CKMT1B: variants seen among roughly 807,000 people sequenced by gnomAD.
The protein encoded by CKMT1B is creatine kinase, mitochondrial 1B.
In CKMT1B, 13 loss-of-function variants were observed where a neutral mutation model predicts 21.8. The ratio of observed to expected loss-of-function variants is 0.60; its 90% confidence interval spans 0.39 to 0.95. The LOEUF is 0.95. Ranked by LOEUF, CKMT1B falls within the 40% of genes least tolerant of loss-of-function variation. The pLI, the probability that CKMT1B is intolerant of heterozygous loss-of-function variation, is 0.00. For missense variants in CKMT1B, 157 were observed against 227.5 expected (o/e 0.69, Z 1.99); for synonymous variants, 50 against 80.3 (o/e 0.62, Z 2.02).
Position 43,595,952 on chromosome 15 carries a change from C to T in CKMT1B, c.541C>T (p.Arg181Ter), listed in dbSNP as rs1283366972. The stretch of plus-strand genomic sequence containing the variant: ...ACTCAGTCTGCCTCCAGCTTGCACT[C>T]GAGCAGAGCGACGAGAGGTGGAACG... ...RGLSLPPACT[R>*]AERREVERVV... Residue 181 changes from arginine (R) to a stop codon, truncating the protein, a stop_gained, in exon 4 of 9, where the codon CGA (arginine) becomes TGA (stop). Transcript: ENST00000441322. LOFTEE classifies it high-confidence loss of function. The T allele has an allele frequency of 3.7e-5, 5 of 135,504 alleles. No homozygotes were observed. Among genetic ancestry groups the T allele is most frequent in the Admixed American group, 3.3e-4 (2 of 5,994 alleles). The allele number at this position is 135,504 out of a possible 1,614,324, so 8.4% of individuals were successfully genotyped here. A position where few individuals can be genotyped will look rare whatever the true frequency, so the allele number is the denominator to read the frequency against.
At position 43,598,908 on chromosome 15, in the gene CKMT1B, G is replaced by A. The variant is rs138729105; in HGVS notation, c.1093G>A (p.Gly365Ser). Residue 365 changes from glycine (G) to serine (S), a missense_variant, in exon 8 of 9, where the codon GGT becomes AGT. By Grantham distance (56) the Gly-to-Ser change is moderately conservative. Transcript: ENST00000441322. ...TGGVDTAATG[G>S]VFDISNLDRL... ...AGGAGTGGACACTGCTGCTACAGGCGGTGTCTTTGATATTTCTAATTTGGA... is the reference window on the plus strand; with the variant it reads ...AGGAGTGGACACTGCTGCTACAGGCAGTGTCTTTGATATTTCTAATTTGGA... The A allele has an allele frequency of 3.6e-5, 58 of 1,609,724 alleles. No individual in the cohort carries two copies. Among genetic ancestry groups the A allele is most frequent in the Admixed American group, 6.7e-5 (4 of 59,884 alleles).
chr15:43,599,205 T>G lies in CKMT1B; in HGVS notation c.1186T>G (p.Cys396Gly). 6.2e-7 allele frequency: 1 copy of G among 1,613,670 alleles called. No homozygotes were observed. ...CGATGGAGTAAACTATTTGATTGAT[T>G]GTGAACGGCGTCTGGAGAGAGGCCA... The part of the protein sequence containing the change: ...VIDGVNYLID[C>G]ERRLERGQDI... The change falls in exon 9 of 9, where the codon TGT becomes GGT. Residue 396 changes from cysteine (C) to glycine (G), a missense_variant. Coordinates refer to ENST00000441322, the MANE Select transcript of CKMT1B (RefSeq NM_001375484.1).
chr15:43,598,789 T>C, intron 7 of CKMT1B, 38 bp from the exon 8 acceptor site: 1 of 1,577,026 alleles, frequency 6.3e-7, no homozygotes, highest in Non-Finnish European at 8.6e-7. Flanking sequence ...AGTCTCTGCC[T>C]CTATTGACCC....
chr15:43,598,405 G>T, intron 7 of CKMT1B, 78 bp downstream of exon 7: 1 of 1,596,140 alleles, frequency 6.3e-7, no homozygotes, highest in Non-Finnish European at 8.5e-7. Context: ...GGACCCTTTG[G>T]AAAGGAGCCA....
chr15:43,598,908 G>C lies in CKMT1B; in HGVS notation c.1093G>C (p.Gly365Arg). 1 of 1,609,844 alleles carries C rather than the reference G, an allele frequency of 6.2e-7. No homozygotes were observed. Among genetic ancestry groups the C allele is most frequent in the Non-Finnish European group, 8.5e-7 (1 of 1,179,620 alleles). ...AGGAGTGGACACTGCTGCTACAGGC[G>C]GTGTCTTTGATATTTCTAATTTGGA... ...TGGVDTAATG[G>R]VFDISNLDRL... The change falls in exon 8 of 9, where the codon GGT (glycine) becomes CGT (arginine). Residue 365 changes from glycine to arginine, a missense_variant. Physicochemically the swap from Gly to Arg is moderately radical, Grantham distance 125. Transcript: ENST00000441322.
intron 8 of CKMT1B, 97 bp downstream of exon 8, chr15:43,599,049 T>G: frequency 6.3e-7 from 1 of 1,589,862 alleles, no homozygotes; most frequent in Non-Finnish European, 8.6e-7. Context: ...TAATCTGAAA[T>G]GAAATTCAGG....
At chr15:43,596,590 G>C in intron 6 of CKMT1B, 59 bp downstream of exon 6, 1 of 1,605,394 alleles carries the variant, frequency 6.2e-7, no homozygotes, top group Non-Finnish European at 8.5e-7. Flanking sequence ...CCAAAGAGTA[G>C]CATAAATAGA....
At chr15:43,596,589 A>G in intron 6 of CKMT1B, 58 bp downstream of exon 6, 4 of 1,605,636 alleles carry the variant, frequency 2.5e-6, no homozygotes, top group Non-Finnish European at 3.4e-6. Flanking sequence ...ACCAAAGAGT[A>G]GCATAAATAG....
At chr15:43,597,999 T>C in intron 6 of CKMT1B, 194 bp from the exon 7 acceptor site, 6 of 1,393,386 alleles carry the variant, frequency 4.3e-6, no homozygotes, top group Non-Finnish European at 5.6e-6. Context: ...ATTATGCACA[T>C]CATAATTTTG....
At chr15:43,598,597 G>C (rs2085620239) in intron 7 of CKMT1B, among the ~76,000 whole-genome samples, 1 of 148,572 alleles carries the variant, frequency 6.7e-6, no homozygotes, top group South Asian at 2.1e-4. Context: ...TGTAGTGGAG[G>C]CTGAGGTGAG....
rs965376054 is a variant in CKMT1B, at chr15:43,599,328, G to C, written c.*55G>C. On this transcript the variant is annotated 3_prime_UTR_variant, in exon 9 of 9. Transcript: ENST00000441322. ...TCCCAGGAGTTCTGCTCATTCTAAT[G>C]ATGGCCCATTCTACTTGCTCTGGAC... 1.1e-5 allele frequency: 17 copies of C among 1,613,070 alleles called. No homozygotes were observed. The highest frequency in any genetic ancestry group is 2.7e-5 in the African/African-American group (2 of 74,744).
At position 43,598,810 on chromosome 15, in the gene CKMT1B, C is replaced by T. The variant is rs764800222; in HGVS notation, c.1012-17C>T. 1.3e-6 allele frequency: 2 copies of T among 1,598,368 alleles called. No individual in the cohort carries two copies. The highest frequency in any genetic ancestry group is 1.7e-5 in the Admixed American group (1 of 58,812). On this transcript the variant is annotated splice_polypyrimidine_tract_variant and intron_variant, in intron 7 of 8. Transcript: ENST00000441322. ...TGCCTCTATTGACCCTGCTCCCAAT[C>T]CCTATCTCCTCTCTAGGATAGCCGC...
At chr15:43,597,137 T>C (rs867808925) in intron 6 of CKMT1B, among the ~76,000 whole-genome samples, 3 of 142,066 alleles carry the variant, frequency 2.1e-5, no homozygotes, top group Middle Eastern at 7.1e-3. Flanking sequence ...TATTCAAGTC[T>C]ACATTAGAAA....
rs576378704 is a variant in CKMT1B at position 43,598,116 on chromosome 15, G to T, written c.877-77G>T. 5,549 of 1,584,382 alleles carry T rather than the reference G, an allele frequency of 3.5e-3. 75 individuals are homozygous for T. Among genetic ancestry groups the T allele is most frequent in the Non-Finnish European group, 4.2e-3 (4,834 of 1,164,638 alleles). On this transcript the variant is annotated intron_variant, in intron 6 of 8. Transcript: ENST00000441322. ...TTCTAGACATATTTCTAGTGTTCTT[G>T]TGGGTCTAGCTAAGGGAGGGTCCAG...
In CKMT1B at chr15:43,598,771, G is replaced by A. The variant is rs1438703533; in HGVS notation, c.1012-56G>A. Reference sequence around the variant, plus strand: ...CTGAGCAGGTTCAGGGCTCTTTCAGGTAGGACTAGTCTCTGCCTCTATTGA... The same window carrying A: ...CTGAGCAGGTTCAGGGCTCTTTCAGATAGGACTAGTCTCTGCCTCTATTGA... On this transcript the variant is annotated intron_variant, in intron 7 of 8. Coordinates refer to ENST00000441322, the MANE Select transcript of CKMT1B (RefSeq NM_001375484.1). 15 of 1,536,700 alleles carry A rather than the reference G, an allele frequency of 9.8e-6. 1 individual carries two copies. The East Asian group carries it at 3.5e-4, about 36-fold the overall frequency.
chr15:43,596,625 G>A (rs1366417004), intron 6 of CKMT1B, 94 bp downstream of exon 6: 21 of 1,583,030 alleles, frequency 1.3e-5, no homozygotes, highest in East Asian at 2.3e-5. Context: ...AACCAACCCA[G>A]GACATGTCTT....
At chr15:43,596,370 G>T in intron 5 of CKMT1B, 38 bp from the exon 6 acceptor site, 1 of 1,486,296 alleles carries the variant, frequency 6.7e-7, no homozygotes, top group Non-Finnish European at 9.0e-7. Flanking sequence ...CCCAATTCTT[G>T]CCTTGCCTCT....
Position 43,598,227 on chromosome 15 carries a change from T to C in CKMT1B, c.911T>C (p.Phe304Ser). Residue 304 changes from phenylalanine (F) to serine (S), a missense_variant, in exon 7 of 9, where the codon TTC (phenylalanine) becomes TCC (serine). Phe to Ser is a radical substitution (Grantham distance 155). Transcript: ENST00000441322. ...ERLIQERGWEFMWNERLGYIL... is the reference protein window; with the variant it reads ...ERLIQERGWESMWNERLGYIL... ...CTTATCCAAGAACGTGGCTGGGAGT[T>C]CATGTGGAATGAGCGTTTGGGATAC... The C allele has an allele frequency of 6.2e-7, 1 of 1,608,186 alleles. No individual in the cohort carries two copies. The highest frequency in any genetic ancestry group is 8.5e-7 in the Non-Finnish European group (1 of 1,179,584).
At chr15:43,596,952 T>C (rs1281493146) in intron 6 of CKMT1B, among the ~76,000 whole-genome samples, 1 of 148,272 alleles carries the variant, frequency 6.7e-6, no homozygotes, top group Non-Finnish European at 1.5e-5. Context: ...TGAGACAAGG[T>C]AGGCCTTGAC....
Sources: allele counts gnomAD v4.1 joint callset (sites outside exome capture counted in the v4.1 genomes callset), GRCh38; gene constraint gnomAD v4.1.1; transcripts MANE v1.5; gene names NCBI Gene and HGNC (gene_info 2026-07-23, HGNC 2026-07-21).